The following PATJ variants were observed in gnomAD, a reference collection of about 807,000 sequenced individuals.
PATJ encodes the protein inaD-like protein.
In PATJ, 190 loss-of-function variants were observed where a neutral mutation model predicts 224.9. The ratio of observed to expected loss-of-function variants is 0.84; its 90% confidence interval spans 0.75 to 0.95. The LOEUF is 0.95. PATJ is among the 40% of genes least tolerant of loss of function. The pLI, the probability that PATJ is intolerant of heterozygous loss-of-function variation, is 0.00. For synonymous variants in PATJ, 769 were observed against 820.3 expected (o/e 0.94, Z 1.07); for missense variants, 2,121 against 2,270.3 (o/e 0.93, Z 1.34).
At chr1:61,945,855 T>C (rs539396653) in intron 27 of PATJ, among the ~76,000 whole-genome samples, 16 of 152,236 alleles carry the variant, frequency 1.1e-4, no homozygotes, top group Admixed American at 3.3e-4. Context: ...ACAGAAATCA[T>C]AACAAACTGT....
At chr1:61,748,386 C>G (rs1399807415) in intron 1 of PATJ, among the ~76,000 whole-genome samples, 2 of 147,810 alleles carry the variant, frequency 1.4e-5, no homozygotes, top group African/African-American at 2.5e-5. Context: ...TCCTGAGTTG[C>G]TAGGACTGCA....
At chr1:62,115,828 T>C (rs903553116) in intron 35 of PATJ, among the ~76,000 whole-genome samples, 1 of 151,910 alleles carries the variant, frequency 6.6e-6, no homozygotes, top group African/African-American at 2.4e-5. Context: ...AGCTACAATT[T>C]TTGAGTACTG....
intron 28 of PATJ, among the ~76,000 whole-genome samples, chr1:62,004,197 G>A (rs544496642): frequency 1.1e-4 from 17 of 152,232 alleles, no homozygotes; most frequent in African/African-American, 3.4e-4. Context: ...CCTTGAGGGC[G>A]GCAACTGTAT....
intron 33 of PATJ, among the ~76,000 whole-genome samples, chr1:62,090,599 C>A (rs938814611): frequency 6.6e-6 from 1 of 152,088 alleles, no homozygotes; most frequent in Admixed American, 6.5e-5. Flanking sequence ...CCAGATAAGG[C>A]ATATTGGATA....
At chr1:62,083,399 G>T (rs142746210) in intron 32 of PATJ, among the ~76,000 whole-genome samples, 1 of 152,184 alleles carries the variant, frequency 6.6e-6, no homozygotes, top group East Asian at 1.9e-4. Flanking sequence ...CAAAGTGCTG[G>T]GATTACAGGC....
chr1:61,999,845 G>A (rs113933404), intron 28 of PATJ, among the ~76,000 whole-genome samples: 2,017 of 152,200 alleles, frequency 0.013, 15 homozygotes, highest in Middle Eastern at 0.031. Flanking sequence ...AAGTAGTAGT[G>A]TGCTGAGGTG....
chr1:62,040,364 C>T (rs1030222487), intron 30 of PATJ, among the ~76,000 whole-genome samples: 6 of 152,072 alleles, frequency 3.9e-5, no homozygotes, highest in African/African-American at 1.2e-4. Context: ...CCGTCTGGGC[C>T]TCCCAAAAGT....
At chr1:62,131,902 C>T (rs148772128) in intron 41 of PATJ, among the ~76,000 whole-genome samples, 2 of 149,678 alleles carry the variant, frequency 1.3e-5, no homozygotes, top group Non-Finnish European at 3.0e-5. Flanking sequence ...GAGTCTCGCT[C>T]TGTTGTCTAG....
chr1:61,809,662 C>G (rs891741101), intron 14 of PATJ, among the ~76,000 whole-genome samples: 2 of 152,060 alleles, frequency 1.3e-5, no homozygotes, highest in Admixed American at 1.3e-4. Flanking sequence ...GCTGGGATTA[C>G]AGGCATGAGC....
chr1:61,835,119 C>G (rs577677826), intron 17 of PATJ, among the ~76,000 whole-genome samples: 2 of 152,268 alleles, frequency 1.3e-5, no homozygotes, highest in East Asian at 3.9e-4. Flanking sequence ...AGATAGCCCT[C>G]TTCCTTTTTA....
chr1:61,817,755 G>T (rs1656439202), intron 14 of PATJ, among the ~76,000 whole-genome samples: 1 of 152,156 alleles, frequency 6.6e-6, no homozygotes, highest in Non-Finnish European at 1.5e-5. Flanking sequence ...TAACCTCTGA[G>T]GGGGCACACC....
At chr1:61,961,331 A>G (rs549557397) in intron 27 of PATJ, among the ~76,000 whole-genome samples, 5 of 152,252 alleles carry the variant, frequency 3.3e-5, no homozygotes, top group African/African-American at 1.2e-4. Context: ...GATATTCTGA[A>G]ACTTAGCTCT....
intron 12 of PATJ, among the ~76,000 whole-genome samples, chr1:61,803,381 C>A (rs1339999881): frequency 6.6e-6 from 1 of 152,014 alleles, no homozygotes; most frequent in East Asian, 1.9e-4. Context: ...GTAATAGAAA[C>A]AATGAAATTA....
rs116382388 is a variant in PATJ at position 61,870,776 on chromosome 1, A to G, written c.2836-4467A>G. Among the ~76,000 whole-genome samples the G allele has an allele frequency of 5.6e-3, 855 of 152,268 alleles. 7 individuals carry two copies. Among genetic ancestry groups the G allele is most frequent in the African/African-American group, 0.02 (831 of 41,550 alleles). ...AATTGCTGGATCATATGCTAATTCTATATTTAATTTTTGGGGAGCTATACT... is the reference window on the plus strand; with the variant it reads ...AATTGCTGGATCATATGCTAATTCTGTATTTAATTTTTGGGGAGCTATACT... On this transcript the variant is annotated intron_variant, in intron 20 of 43. Transcript: ENST00000642238.
chr1:61,858,538 A>G (rs1357046884), intron 18 of PATJ, among the ~76,000 whole-genome samples: 1 of 152,144 alleles, frequency 6.6e-6, no homozygotes, highest in East Asian at 1.9e-4. Flanking sequence ...CTGAGATTAC[A>G]GGCGTGAGCC....
At chr1:61,941,378 C>T (rs778440420) in intron 27 of PATJ, among the ~76,000 whole-genome samples, 14 of 152,090 alleles carry the variant, frequency 9.2e-5, no homozygotes, top group South Asian at 2.1e-4. Context: ...CAGCCGGGCA[C>T]GATGGCTCAT....
intron 27 of PATJ, among the ~76,000 whole-genome samples, chr1:61,941,576 C>T (rs940814487): frequency 7.9e-5 from 12 of 152,018 alleles, no homozygotes; most frequent in African/African-American, 1.4e-4. Context: ...GCTTGAGCTG[C>T]GGAGGTGGAA....
At chr1:61,744,828 C>G (rs182612162) in intron 1 of PATJ, among the ~76,000 whole-genome samples, 1 of 152,158 alleles carries the variant, frequency 6.6e-6, no homozygotes, top group Non-Finnish European at 1.5e-5. Context: ...TGTTTTACCC[C>G]GGCTTCTGAC....
At chr1:61,927,651 C>G (rs1194641189) in intron 26 of PATJ, 79 bp from the exon 27 acceptor site, 1 of 887,052 alleles carries the variant, frequency 1.1e-6, no homozygotes. Context: ...TCCAGACTAT[C>G]TTTTTATGCT....
Sources: allele counts gnomAD v4.1 joint callset (sites outside exome capture counted in the v4.1 genomes callset), GRCh38; gene constraint gnomAD v4.1.1; transcripts MANE v1.5; gene names NCBI Gene and HGNC (gene_info 2026-07-23, HGNC 2026-07-21).